The following FBLN2 variants were observed in gnomAD, a reference collection of about 807,000 sequenced individuals.
FBLN2 encodes the protein fibulin-2.
A neutral mutation model predicts 123.7 loss-of-function variants in FBLN2; 81 were observed. The ratio of observed to expected loss-of-function variants is 0.65; its 90% CI spans 0.55 to 0.79. The LOEUF (loss-of-function observed/expected upper bound fraction) is 0.79, where lower values mean the gene tolerates loss of function less well. Among genes scored for constraint, FBLN2 ranks in the 30% least tolerant of loss-of-function variants. FBLN2 has a pLI of 0.00. For synonymous variants in FBLN2, 699 were observed against 701.4 expected (o/e 1.00, Z 0.05); for missense variants, 1,603 against 1,681.3 (o/e 0.95, Z 0.81).
intron 2 of FBLN2, among the ~76,000 whole-genome samples, chr3:13,594,064 G>A (rs1019363651): frequency 1.3e-5 from 2 of 152,148 alleles, no homozygotes; most frequent in African/African-American, 4.8e-5. Context: ...CATTTTCCCA[G>A]TTCTTTTCTG....
At chr3:13,564,648 G>A (rs866991323) in intron 1 of FBLN2, among the ~76,000 whole-genome samples, 3 of 152,216 alleles carry the variant, frequency 2.0e-5, no homozygotes, top group Non-Finnish European at 4.4e-5. Context: ...CTGGAGGTGG[G>A]AAGACCTTTC....
intron 1 of FBLN2, among the ~76,000 whole-genome samples, chr3:13,557,295 C>G (rs947345291): frequency 6.6e-6 from 1 of 152,226 alleles, no homozygotes; most frequent in Non-Finnish European, 1.5e-5. Context: ...ACACATAACC[C>G]CAGCAACTCA....
At chr3:13,558,751 A>G (rs1703528354) in intron 1 of FBLN2, among the ~76,000 whole-genome samples, 1 of 131,550 alleles carries the variant, frequency 7.6e-6, no homozygotes, top group Non-Finnish European at 1.6e-5. Flanking sequence ...CCATCCATTC[A>G]CTCGTCCATC....
rs529225811 is a variant in FBLN2, at chr3:13,612,919, G to T, written c.1549-1065G>T. ...TGTTGCTGGCTTAATGCATGAATTT[G>T]TGGTCAGCTGAGTACTTCTGCTGAC... On this transcript the variant is annotated intron_variant, in intron 4 of 17. Transcript: ENST00000404922. Among the ~76,000 whole-genome samples the T allele has an allele frequency of 5.9e-5, 9 of 152,258 alleles. No homozygotes were observed. The South Asian group carries it at 1.9e-3, about 32-fold the overall frequency.
At chr3:13,580,075 T>C (rs562971279) in intron 2 of FBLN2, among the ~76,000 whole-genome samples, 1 of 152,332 alleles carries the variant, frequency 6.6e-6, no homozygotes, top group South Asian at 2.1e-4. Flanking sequence ...TTTTTGATTG[T>C]TGCATAGTGT....
intron 8 of FBLN2, 123 bp downstream of exon 8, chr3:13,619,954 T>C (rs1235086213): frequency 1.5e-6 from 1 of 670,570 alleles, no homozygotes; most frequent in African/African-American, 1.8e-5. Context: ...TCTTGGCTGC[T>C]ATGATGAGCA....
chr3:13,557,156 C>T (rs1282494976), intron 1 of FBLN2, among the ~76,000 whole-genome samples: 1 of 152,238 alleles, frequency 6.6e-6, no homozygotes, highest in Non-Finnish European at 1.5e-5. Context: ...GGCCAGTCAG[C>T]TGTGGCTGGG....
At position 13,604,009 on chromosome 3, in the gene FBLN2, G is replaced by A. The variant is rs550619163; in HGVS notation, c.1307-4053G>A. Among the ~76,000 whole-genome samples, 5 of 152,296 alleles carry A rather than the reference G, an allele frequency of 3.3e-5. No individual in the cohort carries two copies. The South Asian group carries it at 6.2e-4, about 19-fold the overall frequency. The stretch of plus-strand genomic sequence containing the variant: ...CCAGTGATGATGAGCATTTTTTCAT[G>A]TGTCTGTTGGCTGCATAAATGTCTT... On this transcript the variant is annotated intron_variant, in intron 2 of 17. Coordinates refer to ENST00000404922, the MANE Select transcript of FBLN2 (RefSeq NM_001004019.2).
rs531886823 is a variant in FBLN2, at chr3:13,636,515, C to T, written c.3285C>T (p.Ser1095=). ...AGACCTGCCACAACATCCAGGGTAG[C>T]TTCCGCTGCCTGCGCTTCGAGTGTC... ...EAETCHNIQG[S]FRCLRFECPP... Residue 1095 remains serine (S), a synonymous_variant, in exon 17 of 18, where the codon AGC becomes AGT. Transcript: ENST00000404922. 6.2e-7 allele frequency: 1 copy of T among 1,613,860 alleles called. No homozygotes were observed. The highest frequency in any genetic ancestry group is 2.2e-5 in the East Asian group (1 of 44,860).
At chr3:13,586,701 A>C (rs9861792) in intron 2 of FBLN2, among the ~76,000 whole-genome samples, 4 of 139,130 alleles carry the variant, frequency 2.9e-5, no homozygotes, top group Non-Finnish European at 6.2e-5. Context: ...GTAGAGACGG[A>C]TTTTACCATG....
intron 9 of FBLN2, 79 bp downstream of exon 9, chr3:13,621,994 C>A (rs920009924): frequency 8.6e-6 from 13 of 1,519,988 alleles, no homozygotes; most frequent in Admixed American, 7.3e-5. Context: ...ACTGTGGCCA[C>A]ATGCCAAAGG....
intron 5 of FBLN2, 124 bp from the exon 6 acceptor site, chr3:13,617,952 C>T (rs1218042603): frequency 1.3e-6 from 1 of 756,874 alleles, no homozygotes; most frequent in East Asian, 2.7e-5. Flanking sequence ...CTTCATCCAT[C>T]CTTGCTGTCT....
chr3:13,573,646 G>A (rs2124829040), intron 2 of FBLN2, among the ~76,000 whole-genome samples: 1 of 152,300 alleles, frequency 6.6e-6, no homozygotes, highest in East Asian at 1.9e-4. Context: ...GCTCACGCCT[G>A]TAATCCCAGC....
chr3:13,553,881 T>C (rs1703394803), intron 1 of FBLN2, among the ~76,000 whole-genome samples: 1 of 152,226 alleles, frequency 6.6e-6, no homozygotes, highest in South Asian at 2.1e-4. Flanking sequence ...TTGTCGGGCT[T>C]CTGGTTGCTC....
At position 13,637,907 on chromosome 3, in the gene FBLN2, C is replaced by G. The variant is rs779419449; in HGVS notation, c.3684C>G (p.Thr1228=). Residue 1228 remains threonine, a synonymous_variant, in exon 18 of 18, where the codon ACC becomes ACG. Transcript: ENST00000404922. ...CCAAGATGCACATCTTCTTCACCACCTTTGCCCTGTGAGGTGCCAGCACGG... is the reference window on the plus strand; with the variant it reads ...CCAAGATGCACATCTTCTTCACCACGTTTGCCCTGTGAGGTGCCAGCACGG... The part of the protein sequence containing the change: ...FLAKMHIFFT[T]FAL 1 of 1,587,220 alleles carries G rather than the reference C, an allele frequency of 6.3e-7. No homozygotes were observed. Among genetic ancestry groups the G allele is most frequent in the East Asian group, 2.2e-5 (1 of 44,538 alleles).
At chr3:13,596,876 A>T in intron 2 of FBLN2, among the ~76,000 whole-genome samples, 1 of 151,762 alleles carries the variant, frequency 6.6e-6, no homozygotes, top group East Asian at 1.9e-4. Flanking sequence ...ATTTAAATTT[A>T]AAAAATAAAT....
Position 13,626,502 on chromosome 3 carries a change from A to G in FBLN2, c.2354A>G (p.Asn785Ser), listed in dbSNP as rs763267305. 12 of 1,571,302 alleles carry G rather than the reference A, an allele frequency of 7.6e-6. No individual in the cohort carries two copies. The South Asian group carries it at 1.4e-4, about 18-fold the overall frequency. Reference protein sequence around the residue: ...HTCSRGEHCVNTLGSFHCYKA... With the variant: ...HTCSRGEHCVSTLGSFHCYKA... ...TGCAGCCGGGGCGAGCACTGTGTGA[A>G]CACACTGGGCTCCTTCCACTGCTAC... The change falls in exon 10 of 18, where the codon AAC becomes AGC. Residue 785 changes from asparagine (N) to serine (S), a missense_variant. Physicochemically the swap from Asn to Ser is conservative, Grantham distance 46 (BLOSUM62 1). Coordinates refer to ENST00000404922, the MANE Select transcript of FBLN2 (RefSeq NM_001004019.2).
At chr3:13,589,683 A>G (rs17038324) in intron 2 of FBLN2, among the ~76,000 whole-genome samples, 2,107 of 152,318 alleles carry the variant, frequency 0.014, 48 homozygotes, top group African/African-American at 0.047. Flanking sequence ...ATATTATCAC[A>G]TACCATGACC....
At chr3:13,621,059 C>A (rs779727063) in intron 8 of FBLN2, among the ~76,000 whole-genome samples, 52 of 152,228 alleles carry the variant, frequency 3.4e-4, no homozygotes, top group Non-Finnish European at 8.8e-5. Flanking sequence ...GGGCCCAGCC[C>A]TGTGAGGCCC....
Sources: allele counts gnomAD v4.1 joint callset (sites outside exome capture counted in the v4.1 genomes callset), GRCh38; gene constraint gnomAD v4.1.1; transcripts MANE v1.5; gene names NCBI Gene and HGNC (gene_info 2026-07-23, HGNC 2026-07-21).